Variants in STMN3 observed in about 807,000 individuals in gnomAD.
The protein encoded by STMN3 is stathmin 3.
Under a neutral mutation model 23.2 loss-of-function variants are expected in STMN3, and 24 were observed. That is an observed-to-expected ratio of 1.03 (90% CI 0.75 to 1.45). STMN3 has a LOEUF of 1.45. Among genes scored for constraint, STMN3 ranks in the 40% most tolerant of loss-of-function variants. The pLI, the probability that STMN3 is intolerant of heterozygous loss-of-function variation, is 0.00. For missense variants in STMN3, 235 were observed against 237.6 expected, an observed-to-expected ratio of 0.99 and a Z score of 0.07; for synonymous variants, 117 against 103.4, an observed-to-expected ratio of 1.13 and a Z score of -0.80.
chr20:63,647,677 ATATATACACG>A (rs1569069781), intron 1 of STMN3, among the ~76,000 whole-genome samples: 7 of 96,636 alleles, frequency 7.2e-5, no homozygotes, highest in South Asian at 5.6e-4. Flanking sequence ...ATATATACGT[ATATATACACG>A]TGTATATATA....
rs540060284 is a variant in STMN3, at chr20:63,643,669, C to T, written c.291+87G>A. The stretch of plus-strand genomic sequence containing the variant: ...GGCCAAGGCACTGACCAAGCCTGTC[C>T]GGGAGCACCCTGCTTCTTGCAGGCC... On this transcript the variant is annotated intron_variant, in intron 3 of 4. Transcript: ENST00000370053. 23 of 1,446,692 alleles carry T rather than the reference C, an allele frequency of 1.6e-5. No individual in the cohort carries two copies. The Admixed American group carries it at 1.6e-4, about 10-fold the overall frequency. 89.6% of individuals were successfully genotyped at this position (1,446,692 alleles called of 1,614,324 possible). A position where few individuals can be genotyped will look rare whatever the true frequency, so the allele number is the denominator to read the frequency against.
intron 1 of STMN3, among the ~76,000 whole-genome samples, chr20:63,651,581 C>T (rs1282275988): frequency 6.6e-6 from 1 of 152,232 alleles, no homozygotes; most frequent in Non-Finnish European, 1.5e-5. Context: ...GGGCAGGAAA[C>T]TCAGAAATGT....
chr20:63,647,984 A>ATG (rs1264309430), intron 1 of STMN3, among the ~76,000 whole-genome samples: 2 of 104,246 alleles, frequency 1.9e-5, no homozygotes, highest in South Asian at 3.1e-4. Flanking sequence ...ATATATACAT[A>ATG]TATATATACA....
chr20:63,653,226 G>C lies in STMN3; in HGVS notation c.19+101C>G, dbSNP rs1321512094. The stretch of plus-strand genomic sequence containing the variant: ...GCTTGCAACGCGCAGGGTAGGAGAA[G>C]GGAAATTGGCGTCCGCTGCCGGCCG... On this transcript the variant is annotated intron_variant, in intron 1 of 4. Transcript: ENST00000370053. The C allele has an allele frequency of 5.1e-5, 73 of 1,443,526 alleles. 1 individual carries two copies. The Middle Eastern group carries it at 1.2e-3, about 24-fold the overall frequency. 89.4% of individuals were successfully genotyped at this position (1,443,526 alleles called of 1,614,324 possible). A position where few individuals can be genotyped will look rare whatever the true frequency, so the allele number is the denominator to read the frequency against.
chr20:63,644,155 G>A (rs1319415927), intron 2 of STMN3, 59 bp downstream of exon 2: 4 of 1,513,852 alleles, frequency 2.6e-6, no homozygotes, highest in Non-Finnish European at 3.7e-6. Flanking sequence ...CGGAGGCCGG[G>A]GGAAAAGGTG....
Position 63,652,557 on chromosome 20 carries a change from C to T in STMN3, c.19+770G>A, listed in dbSNP as rs1285113607. On this transcript the variant is annotated intron_variant, in intron 1 of 4. Transcript: ENST00000370053. This position sits in a 1 kb window ranked among gnomAD's most constrained non-coding sequence, Gnocchi z 5.3. ...GCTCCGCGCGGGACGGGCCGGGAGG[C>T]CGGGGTGGGCGCTACCTTCGAAGGC... is the stretch of plus-strand genomic sequence containing the variant. 1 of 984,658 alleles carries T rather than the reference C, an allele frequency of 1.0e-6. No individual in the cohort carries two copies. Among genetic ancestry groups the T allele is most frequent in the Non-Finnish European group, 1.2e-6 (1 of 829,278 alleles). The allele number at this position is 984,658 out of a possible 1,614,324, so 61.0% of individuals were successfully genotyped here.
intron 1 of STMN3, among the ~76,000 whole-genome samples, chr20:63,646,430 C>T (rs1323326157): frequency 6.6e-6 from 1 of 152,064 alleles, no homozygotes; most frequent in Non-Finnish European, 1.5e-5. Context: ...TCTCGGCTCA[C>T]CGCAAGCTCC....
At position 63,652,011 on chromosome 20, in the gene STMN3, C is replaced by T. The variant is rs1385923186; in HGVS notation, c.19+1316G>A. 6.6e-6 allele frequency: 1 copy of T among 152,340 alleles called. No individual in the cohort carries two copies. The highest frequency in any genetic ancestry group is 1.9e-4 in the East Asian group (1 of 5,166). 9.4% of individuals were successfully genotyped at this position (152,340 alleles called of 1,614,324 possible). On this transcript the variant is annotated intron_variant, in intron 1 of 4. Coordinates refer to ENST00000370053, the MANE Select transcript of STMN3 (RefSeq NM_015894.4). The surrounding 1 kb of genome is among the most constrained non-coding windows in gnomAD (Gnocchi z 5.3). ...GAGGGGAGTCCCCTCCGCTGAGAGC[C>T]CCCCCACCCCCAGTATCCCCGGGGG...
intron 1 of STMN3, among the ~76,000 whole-genome samples, chr20:63,647,640 A>ATATATACG (rs2089819351): frequency 7.1e-6 from 1 of 140,186 alleles, no homozygotes; most frequent in African/African-American, 2.7e-5. Context: ...ACAAACATAT[A>ATATATACG]TATATATACA....
Position 63,652,561 on chromosome 20 carries a change from G to C in STMN3, c.19+766C>G, listed in dbSNP as rs1057123129. 1.0e-6 allele frequency: 1 copy of C among 984,866 alleles called. No homozygotes were observed. The highest frequency in any genetic ancestry group is 5.2e-4 in the Middle Eastern group (1 of 1,910). 61.0% of individuals were successfully genotyped at this position (984,866 alleles called of 1,614,324 possible). A position where few individuals can be genotyped will look rare whatever the true frequency, so the allele number is the denominator to read the frequency against. ...CGCGCGGGACGGGCCGGGAGGCCGG[G>C]GTGGGCGCTACCTTCGAAGGCGGTG... On this transcript the variant is annotated intron_variant, in intron 1 of 4. Coordinates refer to ENST00000370053, the MANE Select transcript of STMN3 (RefSeq NM_015894.4). This position sits in a 1 kb window ranked among gnomAD's most constrained non-coding sequence, Gnocchi z 5.3.
chr20:63,650,823 T>TCCCACCCA (rs2089852805), intron 1 of STMN3, among the ~76,000 whole-genome samples: 1 of 44,978 alleles, frequency 2.2e-5, no homozygotes. Context: ...CGCCCACCCC[T>TCCCACCCA]CCCGCCGCCC....
intron 1 of STMN3, among the ~76,000 whole-genome samples, chr20:63,647,644 A>G (rs2089819383): frequency 7.3e-6 from 1 of 137,818 alleles, no homozygotes; most frequent in Non-Finnish European, 1.5e-5. Flanking sequence ...ACATATATAT[A>G]TATACATGTA....
intron 1 of STMN3, among the ~76,000 whole-genome samples, chr20:63,645,160 CT>C (rs2089800352): frequency 6.6e-6 from 1 of 152,180 alleles, no homozygotes; most frequent in Non-Finnish European, 1.5e-5. Context: ...TCTCTCTCCC[CT>C]CCTCCTCCTT....
At chr20:63,642,449 C>T (rs1481166737) in intron 3 of STMN3, 150 bp from the exon 4 acceptor site, 2 of 345,576 alleles carry the variant, frequency 5.8e-6, no homozygotes, top group Non-Finnish European at 5.1e-6. Context: ...GACCCCCGGG[C>T]GCTGCCCTGG....
intron 1 of STMN3, among the ~76,000 whole-genome samples, chr20:63,650,355 C>T (rs1428485376): frequency 6.6e-6 from 1 of 152,176 alleles, no homozygotes; most frequent in African/African-American, 2.4e-5. Context: ...GATTCATGAG[C>T]AGGAGTCAGA....
chr20:63,644,306 T>C lies in STMN3; in HGVS notation c.23A>G (p.Tyr8Cys). The C allele has an allele frequency of 6.2e-7, 1 of 1,611,864 alleles. No homozygotes were observed. Among genetic ancestry groups the C allele is most frequent in the Non-Finnish European group, 8.5e-7 (1 of 1,179,136 alleles). MASTISA[Y>C]KEKMKELSVL... ...CGACAGCTCCTTCATCTTCTCCTTG[T>C]AGGCTGTGGGCACAAGGCTGGGCTG... is the stretch of plus-strand genomic sequence containing the variant. The change falls in exon 2 of 5, where the codon TAC (tyrosine) becomes TGC (cysteine). Residue 8 changes from tyrosine (Y) to cysteine (C), a missense_variant. Physicochemically the swap from Tyr to Cys is radical, Grantham distance 194. Coordinates refer to ENST00000370053, the MANE Select transcript of STMN3 (RefSeq NM_015894.4).
intron 1 of STMN3, among the ~76,000 whole-genome samples, chr20:63,644,922 G>A (rs182254755): frequency 4.6e-5 from 7 of 152,206 alleles, no homozygotes; most frequent in Admixed American, 2.0e-4. Flanking sequence ...AGTTCCTGTC[G>A]TCTATAAACC....
At position 63,644,075 on chromosome 20, in the gene STMN3, C is replaced by T. The variant is rs111797439; in HGVS notation, c.115+139G>A. On this transcript the variant is annotated intron_variant, in intron 2 of 4. Coordinates refer to ENST00000370053, the MANE Select transcript of STMN3 (RefSeq NM_015894.4). ...CGCAGGAATCCCAGGCTTCAGCCCC[C>T]AGGATGGGCCCCTTCCCCCTAGAAC... 9.7e-6 allele frequency: 13 copies of T among 1,344,882 alleles called. No homozygotes were observed. In the African/African-American group the frequency reaches 1.5e-4, roughly 15 times the overall value. The allele number at this position is 1,344,882 out of a possible 1,614,324, so 83.3% of individuals were successfully genotyped here.
intron 1 of STMN3, among the ~76,000 whole-genome samples, chr20:63,648,641 C>T (rs969067342): frequency 2.6e-5 from 4 of 152,166 alleles, no homozygotes; most frequent in African/African-American, 9.7e-5. Context: ...GAGGCTGAGG[C>T]AGGAGAATCA....
Sources: allele counts gnomAD v4.1 joint callset (sites outside exome capture counted in the v4.1 genomes callset), GRCh38; gene constraint gnomAD v4.1.1; non-coding constraint Gnocchi (gnomAD v3.1); transcripts MANE v1.5; gene names NCBI Gene and HGNC (gene_info 2026-07-23, HGNC 2026-07-21).